Variants in CCSER1 observed in about 807,000 individuals in gnomAD.
CCSER1 encodes serine-rich coiled-coil domain-containing protein 1.
CCSER1 carries 41 observed loss-of-function variants against 82.0 expected under a neutral mutation model. That is an observed-to-expected ratio of 0.50 (90% CI 0.39 to 0.65). The LOEUF is 0.65. Ranked by LOEUF, CCSER1 falls within the 30% of genes least tolerant of loss-of-function variation. CCSER1 has a pLI of 0.00. For missense variants in CCSER1, 1,119 were observed against 1,064.2 expected (o/e 1.05, Z -0.72); for synonymous variants, 414 against 383.9 (o/e 1.08, Z -0.92).
intron 1 of CCSER1, among the ~76,000 whole-genome samples, chr4:90,234,464 G>A (rs887606188): frequency 6.6e-6 from 1 of 152,060 alleles, no homozygotes; most frequent in Non-Finnish European, 1.5e-5. Context: ...TGATCCGCCC[G>A]CCTTGGCCTC....
At chr4:90,617,108 C>G (rs1404890747) in intron 5 of CCSER1, among the ~76,000 whole-genome samples, 2 of 152,048 alleles carry the variant, frequency 1.3e-5, no homozygotes, top group East Asian at 3.9e-4. Context: ...TTATTCTTTT[C>G]AGAACAGTTT....
chr4:90,890,549 T>C (rs1722811192), intron 8 of CCSER1, among the ~76,000 whole-genome samples: 1 of 152,160 alleles, frequency 6.6e-6, no homozygotes, highest in African/African-American at 2.4e-5. Flanking sequence ...CTGAAAAACA[T>C]GGGCATGCCC....
intron 9 of CCSER1, among the ~76,000 whole-genome samples, chr4:90,982,115 G>A (rs1355609503): frequency 6.6e-6 from 1 of 151,732 alleles, no homozygotes; most frequent in East Asian, 1.9e-4. Flanking sequence ...TCATAAACTG[G>A]GTGGCTTAAC....
At chr4:90,971,824 A>G (rs1599454) in intron 9 of CCSER1, among the ~76,000 whole-genome samples, 127,989 of 151,846 alleles carry the variant, frequency 0.84, 54,531 homozygotes, top group Non-Finnish European at 0.9. Flanking sequence ...GGATTTAACC[A>G]TGGGATGTAA....
intron 5 of CCSER1, among the ~76,000 whole-genome samples, chr4:90,534,290 T>C (rs1198123212): frequency 2.6e-5 from 4 of 152,108 alleles, no homozygotes; most frequent in South Asian, 2.1e-4. Context: ...CCACCACGCC[T>C]GGCTAATTTT....
intron 7 of CCSER1, among the ~76,000 whole-genome samples, chr4:90,784,828 C>G (rs940292150): frequency 1.3e-5 from 2 of 152,104 alleles, no homozygotes; most frequent in African/African-American, 4.8e-5. Context: ...GTATTATATA[C>G]TGTATTCTTA....
chr4:91,493,675 CCTT>C (rs1326795349), intron 10 of CCSER1, among the ~76,000 whole-genome samples: 1 of 151,444 alleles, frequency 6.6e-6, no homozygotes, highest in Non-Finnish European at 1.5e-5. Flanking sequence ...TTTAGCATGT[CCTT>C]CTTTGACTCA....
intron 5 of CCSER1, among the ~76,000 whole-genome samples, chr4:90,526,555 C>T (rs1205216167): frequency 1.3e-5 from 2 of 151,932 alleles, no homozygotes; most frequent in African/African-American, 4.8e-5. Context: ...CCCTAGCCCA[C>T]CATCCCCCAC....
At chr4:91,182,845 A>T (rs1024193746) in intron 10 of CCSER1, among the ~76,000 whole-genome samples, 4 of 152,232 alleles carry the variant, frequency 2.6e-5, no homozygotes, top group African/African-American at 4.8e-5. Flanking sequence ...AAAGTGTGTT[A>T]GGTTCCAGTC....
intron 5 of CCSER1, among the ~76,000 whole-genome samples, chr4:90,560,547 A>G (rs544512923): frequency 1.6e-4 from 25 of 152,178 alleles, no homozygotes; most frequent in Non-Finnish European, 3.5e-4. Context: ...ACTACCCATT[A>G]TAAAGACAAT....
chr4:90,706,351 C>T (rs752813509), intron 6 of CCSER1, among the ~76,000 whole-genome samples: 70 of 152,058 alleles, frequency 4.6e-4, no homozygotes, highest in African/African-American at 1.3e-3. Flanking sequence ...GAGGTTAAGG[C>T]GGGAGGATCT....
At chr4:90,475,341 G>A (rs924772994) in intron 5 of CCSER1, among the ~76,000 whole-genome samples, 21 of 152,204 alleles carry the variant, frequency 1.4e-4, no homozygotes, top group African/African-American at 4.8e-4. Flanking sequence ...GAAACGGCTA[G>A]TGTTTCATGA....
chr4:90,432,962 G>T (rs1758499785), intron 4 of CCSER1, among the ~76,000 whole-genome samples: 2 of 152,038 alleles, frequency 1.3e-5, no homozygotes, highest in Admixed American at 6.6e-5. Context: ...TTAAAGCTCA[G>T]TTCTTAGACT....
chr4:90,977,520 C>G (rs952791633), intron 9 of CCSER1, among the ~76,000 whole-genome samples: 21 of 151,504 alleles, frequency 1.4e-4, no homozygotes, highest in Admixed American at 3.3e-4. Flanking sequence ...ATAAATTGAA[C>G]ATGTATATTT....
intron 10 of CCSER1, among the ~76,000 whole-genome samples, chr4:91,540,952 T>TAGTA (rs1761560115): frequency 1.3e-5 from 2 of 152,166 alleles, no homozygotes; most frequent in Admixed American, 1.3e-4. Flanking sequence ...TATAGCTTCC[T>TAGTA]AGTAAGTCTT....
Position 91,391,101 on chromosome 4 carries a change from GCTTA to G in CCSER1, c.2218-207466_2218-207463del, listed in dbSNP as rs1217309292. Reference sequence around the variant, plus strand: ...TAATTTTCATGTTTTTTTTAATTATGCTTACTTAGGATTTAATTTATTAAGGTGG... The same window carrying G: ...TAATTTTCATGTTTTTTTTAATTATGCTTAGGATTTAATTTATTAAGGTGG... On this transcript the variant is annotated intron_variant, in intron 10 of 10. Coordinates refer to ENST00000509176, the MANE Select transcript of CCSER1 (RefSeq NM_001145065.2). Among the ~76,000 whole-genome samples, 7 of 150,946 alleles carry G rather than the reference GCTTA, an allele frequency of 4.6e-5. No individual in the cohort carries two copies. In the East Asian group the frequency reaches 7.8e-4, roughly 17 times the overall value.
intron 10 of CCSER1, among the ~76,000 whole-genome samples, chr4:91,563,081 CTTTATT>C (rs913474161): frequency 1.1e-4 from 16 of 151,572 alleles, no homozygotes; most frequent in Non-Finnish European, 4.4e-5. Context: ...GACATGATGG[CTTTATT>C]TTTAAGTTCT....
intron 10 of CCSER1, among the ~76,000 whole-genome samples, chr4:91,168,107 G>A (rs35863759): frequency 0.18 from 23,699 of 134,996 alleles, 2,588 homozygotes; most frequent in Middle Eastern, 0.27. Context: ...CAGCCCCCCC[G>A]TCTGGGAGGT....
At chr4:90,553,970 T>A (rs1777827144) in intron 5 of CCSER1, among the ~76,000 whole-genome samples, 1 of 152,222 alleles carries the variant, frequency 6.6e-6, no homozygotes, top group Non-Finnish European at 1.5e-5. Flanking sequence ...CTAGACGTAC[T>A]AGGTATTATT....
Sources: allele counts gnomAD v4.1 joint callset (sites outside exome capture counted in the v4.1 genomes callset), GRCh38; gene constraint gnomAD v4.1.1; transcripts MANE v1.5; gene names NCBI Gene and HGNC (gene_info 2026-07-23, HGNC 2026-07-21).